The following UBE4B variants were observed in gnomAD, a reference collection of about 807,000 sequenced individuals.
UBE4B encodes the protein ubiquitination factor E4B.
A neutral mutation model predicts 148.1 loss-of-function variants in UBE4B; 27 were observed. The ratio of observed to expected loss-of-function variants is 0.18; its 90% CI spans 0.13 to 0.25. The LOEUF (loss-of-function observed/expected upper bound fraction) is 0.25, where lower values mean the gene tolerates loss of function less well. UBE4B is among the 10% of genes least tolerant of loss of function. UBE4B has a pLI of 1.00. For missense variants in UBE4B, 1,170 were observed against 1,662.4 expected (o/e 0.70, Z 5.15); for synonymous variants, 596 against 619.3 (o/e 0.96, Z 0.56).
chr1:10,134,429 T>G (rs936216067), intron 15 of UBE4B, among the ~76,000 whole-genome samples: 10 of 152,030 alleles, frequency 6.6e-5, no homozygotes, highest in Non-Finnish European at 1.2e-4. Context: ...AGAGAATCAC[T>G]TGAACCCGGG....
intron 1 of UBE4B, among the ~76,000 whole-genome samples, chr1:10,065,588 C>G (rs1644372810): frequency 6.6e-6 from 1 of 152,176 alleles, no homozygotes; most frequent in Non-Finnish European, 1.5e-5. Flanking sequence ...GTTTGCTCTG[C>G]CTCTTGCCCT....
At chr1:10,048,169 A>G (rs1448771179) in intron 1 of UBE4B, among the ~76,000 whole-genome samples, 2 of 151,998 alleles carry the variant, frequency 1.3e-5, no homozygotes, top group Non-Finnish European at 2.9e-5. Context: ...TTGGGAGGCA[A>G]CTAGCTTTTC....
chr1:10,042,387 G>A (rs563994397), intron 1 of UBE4B, among the ~76,000 whole-genome samples: 4 of 152,284 alleles, frequency 2.6e-5, no homozygotes, highest in South Asian at 2.1e-4. Flanking sequence ...GGTGGCTCAC[G>A]CCTGTAATCC....
chr1:10,052,839 C>T (rs1009704157), intron 1 of UBE4B, among the ~76,000 whole-genome samples: 9 of 152,134 alleles, frequency 5.9e-5, no homozygotes, highest in African/African-American at 1.7e-4. Context: ...TGTTATTCAC[C>T]GTTCTGCATT....
intron 3 of UBE4B, among the ~76,000 whole-genome samples, chr1:10,097,052 A>ATAAT (rs1553143705): frequency 1.4e-5 from 2 of 138,516 alleles, no homozygotes; most frequent in African/African-American, 5.3e-5. Context: ...AAAAAAAAAA[A>ATAAT]AATAATAATA....
chr1:10,060,119 G>A (rs1644256092), intron 1 of UBE4B, among the ~76,000 whole-genome samples: 1 of 152,088 alleles, frequency 6.6e-6, no homozygotes, highest in African/African-American at 2.4e-5. Context: ...GGGGGTAGAT[G>A]AATGTAACCT....
chr1:10,136,642 G>A (rs1236055557), intron 16 of UBE4B, among the ~76,000 whole-genome samples: 3 of 152,000 alleles, frequency 2.0e-5, no homozygotes, highest in African/African-American at 4.8e-5. Flanking sequence ...ACTTCTGGCG[G>A]GGCATGGTGG....
intron 2 of UBE4B, among the ~76,000 whole-genome samples, chr1:10,092,166 T>C (rs1644858000): frequency 6.6e-6 from 1 of 152,112 alleles, no homozygotes; most frequent in Non-Finnish European, 1.5e-5. Flanking sequence ...GAGGCTACAG[T>C]GCCCTAGGAT....
rs1645378567 is a variant in UBE4B, at chr1:10,119,625, C to T, written c.1439+12C>T. On this transcript the variant is annotated intron_variant, in intron 9 of 27. Transcript: ENST00000343090. ...CTAACACAGCCCAGGTATGAAGACC[C>T]GTGACGTGCTTGACATTAGCAGGCA... is the stretch of plus-strand genomic sequence containing the variant. The T allele has an allele frequency of 8.7e-6, 14 of 1,609,308 alleles. No homozygotes were observed. The highest frequency in any genetic ancestry group is 2.7e-5 in the African/African-American group (2 of 74,780).
chr1:10,153,832 CA>C (rs1205305749), intron 21 of UBE4B, among the ~76,000 whole-genome samples: 1 of 152,194 alleles, frequency 6.6e-6, no homozygotes, highest in Non-Finnish European at 1.5e-5. Flanking sequence ...GCTGTAATCC[CA>C]GCACTTTGGG....
At chr1:10,084,690 C>A (rs1470348275) in intron 2 of UBE4B, among the ~76,000 whole-genome samples, 2 of 150,964 alleles carry the variant, frequency 1.3e-5, no homozygotes, top group African/African-American at 4.9e-5. Flanking sequence ...TTCTTTCTTT[C>A]TTTTCTTTTT....
intron 12 of UBE4B, 142 bp downstream of exon 12, chr1:10,129,590 A>C: frequency 1.5e-5 from 10 of 682,826 alleles, no homozygotes; most frequent in Non-Finnish European, 2.3e-5. Flanking sequence ...GGAGGCTCTC[A>C]ACTGTTACAT....
At chr1:10,128,183 A>G (rs1050724619) in intron 11 of UBE4B, among the ~76,000 whole-genome samples, 9 of 152,152 alleles carry the variant, frequency 5.9e-5, no homozygotes, top group African/African-American at 2.2e-4. Context: ...CCTTCATGGG[A>G]CTGTTGGCTT....
At chr1:10,136,501 A>T (rs1645687160) in intron 16 of UBE4B, among the ~76,000 whole-genome samples, 1 of 151,366 alleles carries the variant, frequency 6.6e-6, no homozygotes, top group South Asian at 2.1e-4. Flanking sequence ...AAAAAAAAAA[A>T]GATTGTGATG....
chr1:10,081,190 G>A (rs995456057), intron 2 of UBE4B, among the ~76,000 whole-genome samples: 4 of 152,032 alleles, frequency 2.6e-5, no homozygotes, highest in Non-Finnish European at 5.9e-5. Context: ...AGCCTCCTGA[G>A]TAGCTGGGAT....
Position 10,032,990 on chromosome 1 carries a change from TG to T in UBE4B, c.-680del, listed in dbSNP as rs1362307534. The T allele has an allele frequency of 1.3e-5, 2 of 151,794 alleles. No individual in the cohort carries two copies. The highest frequency in any genetic ancestry group is 4.8e-5 in the African/African-American group (2 of 41,274). 9.4% of individuals were successfully genotyped at this position (151,794 alleles called of 1,614,324 possible). ...AAAGATGGCCGCCCTGTTGTTTTGA[TG>T]AATAATACTTGGTGGGGCGAGGGGG... On this transcript the variant is annotated 5_prime_UTR_variant, in exon 1 of 28. It removes an upstream start codon present in the reference 5' UTR. Coordinates refer to ENST00000343090, the MANE Select transcript of UBE4B (RefSeq NM_001105562.3).
chr1:10,145,719 A>T (rs1300081678), intron 18 of UBE4B: 1 of 152,084 alleles, frequency 6.6e-6, no homozygotes, highest in African/African-American at 2.4e-5. Flanking sequence ...CTAGCCATGC[A>T]TTTCCATGAT....
intron 2 of UBE4B, 101 bp downstream of exon 2, chr1:10,072,315 A>T (rs1644500508): frequency 7.4e-7 from 1 of 1,360,514 alleles, no homozygotes; most frequent in East Asian, 2.4e-5. Context: ...AATGAAGCAG[A>T]CATCAGCTCT....
intron 1 of UBE4B, chr1:10,054,416 G>A (rs1644120770): frequency 3.3e-6 from 1 of 300,964 alleles, no homozygotes; most frequent in Admixed American, 4.2e-5. Flanking sequence ...ACAGTTCAGA[G>A]GTCTTTTATT....
Sources: gnomAD v4.1 joint callset for allele counts (sites outside exome capture counted in the v4.1 genomes callset) on GRCh38, gnomAD v4.1.1 for gene constraint, MANE v1.5 for transcripts, NCBI Gene and HGNC (gene_info 2026-07-23, HGNC 2026-07-21) for gene names.